The following KCNH7 variants were observed in gnomAD, a reference collection of about 807,000 sequenced individuals.
The protein encoded by KCNH7 is voltage-gated inwardly rectifying potassium channel KCNH7.
Under a neutral mutation model 120.8 loss-of-function variants are expected in KCNH7, and 49 were observed. The ratio of observed to expected loss-of-function variants is 0.41; its 90% CI spans 0.32 to 0.51. KCNH7 has a LOEUF of 0.51. KCNH7 is among the 20% of genes least tolerant of loss of function. The pLI, the probability that KCNH7 is intolerant of heterozygous loss-of-function variation, is 0.38. For missense variants in KCNH7, 1,097 were observed against 1,446.6 expected, an observed-to-expected ratio of 0.76 and a Z score of 3.92; for synonymous variants, 547 against 516.1, an observed-to-expected ratio of 1.06 and a Z score of -0.81.
At chr2:162,489,048 C>T (rs1297797612) in intron 6 of KCNH7, among the ~76,000 whole-genome samples, 1 of 152,090 alleles carries the variant, frequency 6.6e-6, no homozygotes, top group East Asian at 1.9e-4. Context: ...ACTGAAATAA[C>T]ATTTTAATTT....
At chr2:162,599,607 T>G (rs1694487057) in intron 2 of KCNH7, among the ~76,000 whole-genome samples, 1 of 152,000 alleles carries the variant, frequency 6.6e-6, no homozygotes, top group Admixed American at 6.6e-5. Context: ...CCTACTCTTG[T>G]AATTATTTAT....
At chr2:162,488,852 C>T (rs180833646) in intron 6 of KCNH7, among the ~76,000 whole-genome samples, 13 of 152,156 alleles carry the variant, frequency 8.5e-5, no homozygotes, top group African/African-American at 2.4e-4. Flanking sequence ...CCCGGCATAA[C>T]GAACATATAA....
In KCNH7 at chr2:162,749,650, T is replaced by A. The variant is rs555580053; in HGVS notation, c.307+86887A>T. Among the ~76,000 whole-genome samples, 6 of 152,234 alleles carry A rather than the reference T, an allele frequency of 3.9e-5. No homozygotes were observed. In the East Asian group the frequency reaches 1.2e-3, roughly 29 times the overall value. Reference sequence around the variant, plus strand: ...AAGTAGCTGACGTTTGACCAAAGATTGAAGGAGTCAGCCAATCCTCAAGTT... The same window carrying A: ...AAGTAGCTGACGTTTGACCAAAGATAGAAGGAGTCAGCCAATCCTCAAGTT... On this transcript the variant is annotated intron_variant, in intron 2 of 15. Transcript: ENST00000332142.
intron 2 of KCNH7, among the ~76,000 whole-genome samples, chr2:162,649,162 C>T (rs957168935): frequency 6.6e-6 from 1 of 152,182 alleles, no homozygotes; most frequent in African/African-American, 2.4e-5. Flanking sequence ...TATTTTCTTC[C>T]TCTAATCTAT....
At position 162,682,129 on chromosome 2, in the gene KCNH7, A is replaced by G. The variant is rs147559784; in HGVS notation, c.308-145049T>C. Reference sequence around the variant, plus strand: ...ATCTTGGAATGCAGTACCTACTCCAATGCACAGAAATTTCATGAAGCCAGA... The same window carrying G: ...ATCTTGGAATGCAGTACCTACTCCAGTGCACAGAAATTTCATGAAGCCAGA... On this transcript the variant is annotated intron_variant, in intron 2 of 15. Coordinates refer to ENST00000332142, the MANE Select transcript of KCNH7 (RefSeq NM_033272.4). 5.9e-3 allele frequency among the ~76,000 whole-genome samples: 899 copies of G among 151,814 alleles called. 9 individuals are homozygous for G. Among genetic ancestry groups the G allele is most frequent in the African/African-American group, 0.02 (845 of 41,480 alleles).
intron 9 of KCNH7, among the ~76,000 whole-genome samples, chr2:162,400,845 A>G (rs1246258653): frequency 2.0e-5 from 3 of 151,946 alleles, no homozygotes; most frequent in African/African-American, 2.4e-5. Flanking sequence ...AAGAATCTCA[A>G]GTCAATTTAG....
rs375047834 is a variant in KCNH7, at chr2:162,373,482, G to C, written c.3312C>G (p.Ser1104Arg). 10 of 1,539,886 alleles carry C rather than the reference G, an allele frequency of 6.5e-6. No individual in the cohort carries two copies. Among genetic ancestry groups the C allele is most frequent in the Non-Finnish European group, 2.6e-6 (3 of 1,141,554 alleles). ...EASIKTDRSF[S>R]PSSQCPEFLD... Reference sequence around the variant, plus strand: ...TATCCACACTTACTTGTGAGGAAGGGCTGAAACTTCGGTCAGTTTTGATGG... The same window carrying C: ...TATCCACACTTACTTGTGAGGAAGGCCTGAAACTTCGGTCAGTTTTGATGG... Residue 1104 changes from serine (S) to arginine (R), a missense_variant, in exon 15 of 16, where the codon AGC (serine) becomes AGG (arginine). By Grantham distance (110) the Ser-to-Arg change is moderately radical. Transcript: ENST00000332142.
At chr2:162,406,784 C>T in intron 9 of KCNH7, among the ~76,000 whole-genome samples, 1 of 151,974 alleles carries the variant, frequency 6.6e-6, no homozygotes, top group East Asian at 1.9e-4. Flanking sequence ...ATACTAAACC[C>T]TGCTTTTTGT....
chr2:162,547,355 C>G (rs899547635), intron 2 of KCNH7, among the ~76,000 whole-genome samples: 4 of 152,234 alleles, frequency 2.6e-5, no homozygotes, highest in Non-Finnish European at 4.4e-5. Flanking sequence ...GGAGAGGCAT[C>G]TGAGGCTGAA....
rs1177544800 is a variant in KCNH7 at position 162,748,892 on chromosome 2, T to C, written c.307+87645A>G. Among the ~76,000 whole-genome samples, 41 of 66,828 alleles carry C rather than the reference T, an allele frequency of 6.1e-4. 2 individuals are homozygous for C. The highest frequency in any genetic ancestry group is 3.2e-3 in the African/African-American group (34 of 10,670). 43.8% of individuals were successfully genotyped at this position (66,828 alleles called of 152,430 possible). A position where few individuals can be genotyped will look rare whatever the true frequency, so the allele number is the denominator to read the frequency against. The stretch of plus-strand genomic sequence containing the variant: ...CTCCCCCTTCCCCTCCCTCCCTCCC[T>C]TCTTTCCTTCCTTCCTTCCTTCCCT... On this transcript the variant is annotated intron_variant, in intron 2 of 15. Transcript: ENST00000332142.
chr2:162,516,486 T>C (rs781338679), intron 4 of KCNH7, among the ~76,000 whole-genome samples: 4 of 151,722 alleles, frequency 2.6e-5, no homozygotes, highest in Non-Finnish European at 5.9e-5. Context: ...AGATGTAGAA[T>C]AGAGTATGTA....
At chr2:162,667,928 A>C (rs1685201767) in intron 2 of KCNH7, among the ~76,000 whole-genome samples, 1 of 152,216 alleles carries the variant, frequency 6.6e-6, no homozygotes, top group African/African-American at 2.4e-5. Flanking sequence ...GTATATATTC[A>C]ATAAATATTT....
At chr2:162,508,227 T>C (rs1013005593) in intron 5 of KCNH7, among the ~76,000 whole-genome samples, 2 of 151,332 alleles carry the variant, frequency 1.3e-5, no homozygotes, top group African/African-American at 4.8e-5. Context: ...AATGTCATAC[T>C]CAAATTTGGC....
At chr2:162,466,816 C>T (rs1689323775) in intron 6 of KCNH7, among the ~76,000 whole-genome samples, 1 of 152,052 alleles carries the variant, frequency 6.6e-6, no homozygotes, top group South Asian at 2.1e-4. Flanking sequence ...TTTAATTGGA[C>T]ACTAACTTTA....
At chr2:162,628,692 T>C (rs1294375343) in intron 2 of KCNH7, among the ~76,000 whole-genome samples, 2 of 151,644 alleles carry the variant, frequency 1.3e-5, no homozygotes, top group African/African-American at 4.9e-5. Flanking sequence ...GAACATGCAG[T>C]ATTTGTTTTT....
intron 2 of KCNH7, among the ~76,000 whole-genome samples, chr2:162,547,152 T>C (rs1692508936): frequency 6.6e-6 from 1 of 152,114 alleles, no homozygotes; most frequent in African/African-American, 2.4e-5. Context: ...AACTACCATT[T>C]ATAAAACCAT....
At position 162,427,092 on chromosome 2, in the gene KCNH7, GGCTATAC is replaced by G. The variant is rs548783667; in HGVS notation, c.1955-3564_1955-3558del. 9.2e-4 allele frequency among the ~76,000 whole-genome samples: 139 copies of G among 151,692 alleles called. 1 individual carries two copies. The highest frequency in any genetic ancestry group is 5.9e-5 in the Non-Finnish European group (4 of 67,840). On this transcript the variant is annotated intron_variant, in intron 8 of 15. Transcript: ENST00000332142. ...ACTGCTGAATTGATGTGCATCATAT[GGCTATAC>G]CACAGTTTGTTTATCTCTTCTCCTG... is the stretch of plus-strand genomic sequence containing the variant.
chr2:162,399,533 C>T (rs1422111191), intron 10 of KCNH7, among the ~76,000 whole-genome samples: 1 of 151,804 alleles, frequency 6.6e-6, no homozygotes, highest in African/African-American at 2.4e-5. Flanking sequence ...CTCCACACCT[C>T]ACGACAGGCC....
chr2:162,621,626 A>G (rs1396360055), intron 2 of KCNH7, among the ~76,000 whole-genome samples: 2 of 152,196 alleles, frequency 1.3e-5, no homozygotes, highest in Non-Finnish European at 2.9e-5. Flanking sequence ...GGCTTTAAAT[A>G]AATTCAGTAA....
Sources: gnomAD v4.1 joint callset for allele counts (sites outside exome capture counted in the v4.1 genomes callset) on GRCh38, gnomAD v4.1.1 for gene constraint, MANE v1.5 for transcripts, NCBI Gene and HGNC (gene_info 2026-07-23, HGNC 2026-07-21) for gene names.